Variants in CTNND2 observed in about 807,000 individuals in gnomAD.
The protein encoded by CTNND2 is catenin delta-2.
Under a neutral mutation model 144.4 loss-of-function variants are expected in CTNND2, and 22 were observed. That is an observed-to-expected ratio of 0.15 (90% CI 0.11 to 0.22). The LOEUF is 0.22. Among genes scored for constraint, CTNND2 ranks in the 10% least tolerant of loss-of-function variants. The pLI, the probability that CTNND2 is intolerant of heterozygous loss-of-function variation, is 1.00. For synonymous variants in CTNND2, 751 were observed against 695.6 expected (o/e 1.08, Z -1.25); for missense variants, 1,353 against 1,618.8 (o/e 0.84, Z 2.82).
intron 3 of CTNND2, among the ~76,000 whole-genome samples, chr5:11,495,374 C>G (rs978069513): frequency 6.7e-6 from 1 of 149,866 alleles, no homozygotes; most frequent in Admixed American, 6.6e-5. Flanking sequence ...CTTCTATCCC[C>G]TTTAAAATAA....
intron 5 of CTNND2, among the ~76,000 whole-genome samples, chr5:11,401,323 T>C (rs983173028): frequency 2.0e-5 from 3 of 152,244 alleles, no homozygotes; most frequent in African/African-American, 7.2e-5. Context: ...ATTGCTAATA[T>C]TTGCCTGCGT....
intron 2 of CTNND2, among the ~76,000 whole-genome samples, chr5:11,730,525 T>C (rs896646827): frequency 2.0e-5 from 3 of 152,356 alleles, no homozygotes; most frequent in African/African-American, 7.2e-5. Context: ...TGGGTACTAC[T>C]GTGATTGGTA....
chr5:11,598,746 A>G (rs1779643678), intron 2 of CTNND2, among the ~76,000 whole-genome samples: 1 of 152,176 alleles, frequency 6.6e-6, no homozygotes, highest in South Asian at 2.1e-4. Context: ...TTCACAAACA[A>G]CTGTAAGTAT....
intron 10 of CTNND2, among the ~76,000 whole-genome samples, chr5:11,232,023 T>C (rs1294171805): frequency 1.3e-5 from 2 of 152,230 alleles, no homozygotes; most frequent in East Asian, 1.9e-4. Flanking sequence ...CAAGCCTTGG[T>C]GGCTTCCATG....
intron 3 of CTNND2, among the ~76,000 whole-genome samples, chr5:11,531,166 C>T (rs1351828149): frequency 6.6e-6 from 1 of 152,074 alleles, no homozygotes; most frequent in African/African-American, 2.4e-5. Flanking sequence ...CAAGTGTCTC[C>T]AGAAAAGGAC....
intron 16 of CTNND2, among the ~76,000 whole-genome samples, chr5:11,081,617 C>G (rs536644522): frequency 6.6e-6 from 1 of 152,178 alleles, no homozygotes; most frequent in Non-Finnish European, 1.5e-5. Context: ...GGATTAGGGA[C>G]CCTCAACCTG....
intron 2 of CTNND2, among the ~76,000 whole-genome samples, chr5:11,693,526 G>C (rs1025011143): frequency 6.6e-6 from 1 of 152,182 alleles, no homozygotes; most frequent in Admixed American, 6.5e-5. Context: ...TCAAAGCATT[G>C]TTGAAAGGAT....
intron 2 of CTNND2, among the ~76,000 whole-genome samples, chr5:11,658,585 A>G (rs1366087709): frequency 6.6e-6 from 1 of 151,884 alleles, no homozygotes; most frequent in East Asian, 1.9e-4. Flanking sequence ...AACTCACTAA[A>G]CTGAAAAAAA....
chr5:11,067,920 T>C (rs1747786135), intron 16 of CTNND2, among the ~76,000 whole-genome samples: 3 of 152,184 alleles, frequency 2.0e-5, no homozygotes. Flanking sequence ...TCTCTATATA[T>C]AGTATTTGCA....
intron 1 of CTNND2, among the ~76,000 whole-genome samples, chr5:11,743,691 C>T (rs998237334): frequency 6.6e-6 from 1 of 152,070 alleles, no homozygotes; most frequent in South Asian, 2.1e-4. Context: ...TTCATGGAGG[C>T]GGCTACACAG....
At chr5:11,879,376 A>ATATATATATATATATGT in intron 1 of CTNND2, among the ~76,000 whole-genome samples, 1 of 80,572 alleles carries the variant, frequency 1.2e-5, no homozygotes, top group South Asian at 5.2e-4. Flanking sequence ...CACACACACA[A>ATATATATATATATATGT]ACATATACAT....
intron 9 of CTNND2, among the ~76,000 whole-genome samples, chr5:11,282,423 C>T (rs1350654747): frequency 6.6e-6 from 1 of 152,176 alleles, no homozygotes; most frequent in Admixed American, 6.5e-5. Context: ...TGATTTCAAA[C>T]ATGATGTCGG....
At chr5:11,742,208 AT>A (rs1404357338) in intron 1 of CTNND2, among the ~76,000 whole-genome samples, 2 of 152,178 alleles carry the variant, frequency 1.3e-5, no homozygotes, top group African/African-American at 4.8e-5. Context: ...GAGGAAAAAA[AT>A]ATATTGATGA....
intron 1 of CTNND2, among the ~76,000 whole-genome samples, chr5:11,873,864 C>A (rs1368556443): frequency 6.6e-6 from 1 of 152,114 alleles, no homozygotes; most frequent in Non-Finnish European, 1.5e-5. Context: ...CCATTCCATC[C>A]CAAAGCGGGA....
At chr5:11,769,375 A>T (rs1561780613) in intron 1 of CTNND2, among the ~76,000 whole-genome samples, 2 of 152,246 alleles carry the variant, frequency 1.3e-5, no homozygotes, top group African/African-American at 4.8e-5. Flanking sequence ...ATAAGAGCAT[A>T]TCAGCAGAAG....
intron 20 of CTNND2, among the ~76,000 whole-genome samples, chr5:10,985,030 C>T (rs879904499): frequency 3.3e-5 from 5 of 151,888 alleles, no homozygotes; most frequent in Admixed American, 6.6e-5. Context: ...GCTGAGATTG[C>T]GCCACTGCAC....
At chr5:11,411,418 T>C (rs1761519727) in intron 5 of CTNND2, 118 bp downstream of exon 5, 7 of 656,802 alleles carry the variant, frequency 1.1e-5, no homozygotes, top group East Asian at 2.7e-5. Context: ...ATAAAACAAG[T>C]ATAAAAATAT....
chr5:11,738,139 C>A (rs1787797902), intron 1 of CTNND2, among the ~76,000 whole-genome samples: 1 of 152,152 alleles, frequency 6.6e-6, no homozygotes, highest in Non-Finnish European at 1.5e-5. Flanking sequence ...AATCACAGGT[C>A]TCAGGAGGAG....
Position 11,154,644 on chromosome 5 carries a change from A to G in CTNND2, c.2159+4932T>C, listed in dbSNP as rs796636783. Among the ~76,000 whole-genome samples the G allele has an allele frequency of 5.9e-5, 9 of 152,324 alleles. No homozygotes were observed. The South Asian group carries it at 1.0e-3, about 18-fold the overall frequency. On this transcript the variant is annotated intron_variant, in intron 12 of 21. Coordinates refer to ENST00000304623, the MANE Select transcript of CTNND2 (RefSeq NM_001332.4). The stretch of plus-strand genomic sequence containing the variant: ...CTCTTATTTTCTTACTGGAGTGACC[A>G]TAATAGATTCCCAGGGCTGTCAGAA...
Sources: gnomAD v4.1 joint callset for allele counts (sites outside exome capture counted in the v4.1 genomes callset) on GRCh38, gnomAD v4.1.1 for gene constraint, MANE v1.5 for transcripts, NCBI Gene and HGNC (gene_info 2026-07-23, HGNC 2026-07-21) for gene names.